STK3: variants seen among roughly 807,000 people sequenced by gnomAD.
STK3 encodes serine/threonine kinase 3, also known as serine/threonine-protein kinase 3.
STK3 carries 41 observed loss-of-function variants against 58.0 expected under a neutral mutation model. That is an observed-to-expected ratio of 0.71 (90% CI 0.55 to 0.92). STK3 has a LOEUF of 0.92. Ranked by LOEUF, STK3 falls within the 40% of genes least tolerant of loss-of-function variation. The pLI, the probability that STK3 is intolerant of heterozygous loss-of-function variation, is 0.00. For synonymous variants in STK3, 170 were observed against 191.0 expected (o/e 0.89, Z 0.91); for missense variants, 479 against 602.7 (o/e 0.79, Z 2.15).
At chr8:98,426,245 C>T (rs930948874) in intron 3 of STK3, among the ~76,000 whole-genome samples, 2 of 152,234 alleles carry the variant, frequency 1.3e-5, no homozygotes, top group Non-Finnish European at 2.9e-5. Flanking sequence ...ACACAGCACA[C>T]GGTTCCCCAT....
chr8:98,353,240 G>A, the STK3 span, among the ~76,000 whole-genome samples: 1 of 152,168 alleles, frequency 6.6e-6, no homozygotes, highest in South Asian at 2.1e-4. Context: ...TTGGTAGGCA[G>A]AGACAGGAGG....
At chr8:98,575,447 T>C (rs1161158851) in intron 8 of STK3, among the ~76,000 whole-genome samples, 1 of 150,608 alleles carries the variant, frequency 6.6e-6, no homozygotes, top group Non-Finnish European at 1.5e-5. Context: ...AACCATCTCC[T>C]CTATCTAGTA....
At chr8:98,936,400 T>A (rs555866414) in intron 1 of STK3, among the ~76,000 whole-genome samples, 2 of 152,274 alleles carry the variant, frequency 1.3e-5, no homozygotes, top group East Asian at 3.9e-4. Flanking sequence ...CAGTAGACCA[T>A]AGCTCCAAAT....
intron 1 of STK3, among the ~76,000 whole-genome samples, chr8:98,903,803 G>A (rs1838778331): frequency 6.6e-6 from 1 of 152,032 alleles, no homozygotes; most frequent in Admixed American, 6.5e-5. Context: ...ATCATAGTTT[G>A]TAGATTTACT....
At chr8:98,797,588 G>A (rs556719670) in intron 1 of STK3, among the ~76,000 whole-genome samples, 1 of 152,180 alleles carries the variant, frequency 6.6e-6, no homozygotes, top group Non-Finnish European at 1.5e-5. Flanking sequence ...TGGTAGAAAT[G>A]TTCTAAATCT....
chr8:98,846,110 A>G (rs1213272227), intron 3 of STK3, among the ~76,000 whole-genome samples: 4 of 152,182 alleles, frequency 2.6e-5, no homozygotes, highest in African/African-American at 9.7e-5. Flanking sequence ...CCCTCTTCCA[A>G]ATCTCATTCA....
chr8:98,690,575 C>T (rs1445674067), intron 6 of STK3, among the ~76,000 whole-genome samples: 8 of 152,142 alleles, frequency 5.3e-5, no homozygotes, highest in East Asian at 3.9e-4. Context: ...GAGCATTCCA[C>T]GTTCCCAGGT....
intron 6 of STK3, among the ~76,000 whole-genome samples, chr8:98,649,948 T>C (rs1239132046): frequency 1.3e-5 from 2 of 152,332 alleles, no homozygotes; most frequent in South Asian, 2.1e-4. Flanking sequence ...GTGTACTTCT[T>C]TTGTTAACTT....
chr8:98,498,336 G>C lies in STK3; in HGVS notation c.1317+28406C>G, dbSNP rs1481496432. On this transcript the variant is annotated intron_variant, in intron 10 of 10. Transcript: ENST00000419617. ...AAGAGGAGAGGAGAACTCTCAGTAA[G>C]TTGCTAATGAGAAGAGATCCCAGAA... Among the ~76,000 whole-genome samples the C allele has an allele frequency of 5.3e-5, 8 of 152,192 alleles. No homozygotes were observed. The South Asian group carries it at 1.7e-3, about 32-fold the overall frequency.
At chr8:98,429,530 G>C in intron 3 of STK3, 1 of 705,240 alleles carries the variant, frequency 1.4e-6, no homozygotes, top group East Asian at 2.6e-5. Flanking sequence ...TGAGGGGAGA[G>C]ATGCATGGGA....
chr8:98,475,133 T>C (rs547724451), intron 10 of STK3, among the ~76,000 whole-genome samples: 1 of 152,342 alleles, frequency 6.6e-6, no homozygotes, highest in East Asian at 1.9e-4. Context: ...TGTATACCCA[T>C]ATCCAATGAC....
intron 1 of STK3, among the ~76,000 whole-genome samples, chr8:98,929,472 C>T (rs1019951271): frequency 9.2e-5 from 14 of 152,056 alleles, no homozygotes; most frequent in Non-Finnish European, 4.4e-5. Context: ...GCCTAGGGAA[C>T]GTGGCGAAAC....
intron 3 of STK3, among the ~76,000 whole-genome samples, chr8:98,406,506 C>T (rs1238368309): frequency 6.6e-6 from 1 of 152,138 alleles, no homozygotes; most frequent in Non-Finnish European, 1.5e-5. Context: ...TGTCTGCCCC[C>T]ACACATTGTA....
At chr8:98,598,450 C>T in intron 6 of STK3, 1 of 985,378 alleles carries the variant, frequency 1.0e-6, no homozygotes. Flanking sequence ...ATGATCTACA[C>T]CAAAATGTCT....
At chr8:98,725,154 T>A (rs181444129) in intron 4 of STK3, among the ~76,000 whole-genome samples, 1 of 152,118 alleles carries the variant, frequency 6.6e-6, no homozygotes, top group African/African-American at 2.4e-5. Context: ...TACACACACA[T>A]AAGACCTATA....
chr8:98,835,114 A>G (rs1835698620), intron 3 of STK3, among the ~76,000 whole-genome samples: 2 of 152,230 alleles, frequency 1.3e-5, no homozygotes, highest in Non-Finnish European at 2.9e-5. Flanking sequence ...AAGAGGCATG[A>G]CTGAAGTTCC....
At chr8:98,834,395 A>G (rs1201708839) in intron 3 of STK3, among the ~76,000 whole-genome samples, 1 of 152,216 alleles carries the variant, frequency 6.6e-6, no homozygotes, top group East Asian at 1.9e-4. Flanking sequence ...CTTTAGGTCA[A>G]CAGAACAAAA....
rs1817954320 is a variant in STK3, at chr8:98,402,552, C to T, written n.484-1039G>A. Among the ~76,000 whole-genome samples the T allele has an allele frequency of 2.6e-5, 4 of 152,214 alleles. No individual in the cohort carries two copies. In the South Asian group the frequency reaches 6.2e-4, roughly 24 times the overall value. On this transcript the variant is annotated intron_variant and non_coding_transcript_variant, in intron 3 of 3. Coordinates refer to the STK3 transcript ENST00000517832. ...AGCAAAGCCAGATAGGTGCTCTCCT[C>T]TGCCTCCGTGTCCCCTCCGGGACGG...
At chr8:98,640,856 GA>G (rs60387646) in intron 6 of STK3, among the ~76,000 whole-genome samples, 1 of 150,764 alleles carries the variant, frequency 6.6e-6, no homozygotes, top group Non-Finnish European at 1.5e-5. Context: ...TTAGCTCATT[GA>G]AAAAACATAA....
Sources: allele counts gnomAD v4.1 joint callset (sites outside exome capture counted in the v4.1 genomes callset), GRCh38; gene constraint gnomAD v4.1.1; transcripts MANE v1.5; gene names NCBI Gene and HGNC (gene_info 2026-07-23, HGNC 2026-07-21).